CEP295: variants seen among roughly 807,000 people sequenced by gnomAD.
CEP295 encodes centrosomal protein of 295 kDa.
A neutral mutation model predicts 291.6 loss-of-function variants in CEP295; 190 were observed. The observed-to-expected ratio is 0.65, with a 90% CI of 0.58 to 0.73. The LOEUF (loss-of-function observed/expected upper bound fraction) is 0.73, where lower values mean the gene tolerates loss of function less well. Among genes scored for constraint, CEP295 ranks in the 30% least tolerant of loss-of-function variants. CEP295 has a pLI of 0.00. For synonymous variants in CEP295, 993 were observed against 1,038.8 expected, an observed-to-expected ratio of 0.96 and a Z score of 0.85; for missense variants, 2,863 against 2,949.4, an observed-to-expected ratio of 0.97 and a Z score of 0.68.
chr11:93,663,184 C>A (rs1339706839), intron 1 of CEP295, among the ~76,000 whole-genome samples: 1 of 152,238 alleles, frequency 6.6e-6, no homozygotes, highest in Non-Finnish European at 1.5e-5. Flanking sequence ...CCATGGGCTG[C>A]TCCTAGCCAC....
intron 23 of CEP295, chr11:93,726,723 A>C (rs1443174192): frequency 6.1e-6 from 2 of 330,210 alleles, no homozygotes; most frequent in Non-Finnish European, 1.1e-5. Context: ...CTTATAGAGG[A>C]AAACATCCTC....
At chr11:93,724,839 A>G (rs904865012) in intron 22 of CEP295, among the ~76,000 whole-genome samples, 7 of 152,132 alleles carry the variant, frequency 4.6e-5, no homozygotes, top group South Asian at 2.1e-4. Flanking sequence ...AATAAATCCT[A>G]TTGTCCAGAC....
rs138472629 is a variant in CEP295, at chr11:93,711,481, GTTTTGT to G, written c.5749+4618_5749+4623del. Among the ~76,000 whole-genome samples the G allele has an allele frequency of 9.0e-3, 1,354 of 149,646 alleles. 19 individuals carry two copies. Among genetic ancestry groups the G allele is most frequent in the African/African-American group, 0.025 (1,042 of 40,898 alleles). On this transcript the variant is annotated intron_variant, in intron 18 of 29. Coordinates refer to ENST00000325212, the MANE Select transcript of CEP295 (RefSeq NM_033395.2). Reference sequence around the variant, plus strand: ...AGAGAAGACAAGTGTTATTATTTCAGTTTTGTTTTTGTTTTTGTTTTTGTTTTTGTT... The same window carrying G: ...AGAGAAGACAAGTGTTATTATTTCAGTTTTGTTTTTGTTTTTGTTTTTGTT...
At position 93,719,258 on chromosome 11, in the gene CEP295, T is replaced by C. The variant is rs550563317; in HGVS notation, c.5750-2054T>C. Among the ~76,000 whole-genome samples, 18 of 151,562 alleles carry C rather than the reference T, an allele frequency of 1.2e-4. No individual in the cohort carries two copies. In the South Asian group the frequency reaches 2.3e-3, roughly 19 times the overall value. On this transcript the variant is annotated intron_variant, in intron 18 of 29. Transcript: ENST00000325212. ...TTTTTTTTTCCGGGTTTTTTTTTTT[T>C]TTCCTGTTTTTTTTTGTTTTGTTTC...
rs1952053911 is a variant in CEP295 at position 93,699,998 on chromosome 11, A to T, written c.5086A>T (p.Ser1696Cys). 6.4e-7 allele frequency: 1 copy of T among 1,551,744 alleles called. No homozygotes were observed. Reference sequence around the variant, plus strand: ...CCCAGGGTTTCAAGATAGACTTTTGAGTTTTTCACAGTCTGTCTTAACTCA... The same window carrying T: ...CCCAGGGTTTCAAGATAGACTTTTGTGTTTTTCACAGTCTGTCTTAACTCA... Reference protein sequence around the residue: ...VIPGFQDRLLSFSQSVLTQQD... With the variant: ...VIPGFQDRLLCFSQSVLTQQD... Residue 1696 changes from serine (S) to cysteine (C), a missense_variant, in exon 15 of 30, where the codon AGT becomes TGT. This residue lies in a region of CEP295 where 2,295 missense variants were observed against 2,335.7 expected (regional missense o/e 0.98). Transcript: ENST00000325212.
In CEP295 at chr11:93,699,039, T is replaced by TA; in HGVS notation, c.4128dup (p.Leu1377ThrfsTer6). The TA allele has an allele frequency of 6.5e-7, 1 of 1,546,324 alleles. No homozygotes were observed. The highest frequency in any genetic ancestry group is 1.2e-5 in the South Asian group (1 of 84,052). On this transcript the variant is annotated frameshift_variant, in exon 15 of 30. Coordinates refer to ENST00000325212, the MANE Select transcript of CEP295 (RefSeq NM_033395.2). LOFTEE classifies it high-confidence loss of function. Reference sequence around the variant, plus strand: ...GCTAGACAAGAAGCTCGGGAAGAATTACTTTTACATCAGAGTGAATGGGAG... The same window carrying TA: ...GCTAGACAAGAAGCTCGGGAAGAATTAACTTTTACATCAGAGTGAATGGGAG...
intron 13 of CEP295, 104 bp downstream of exon 13, chr11:93,695,738 C>A: frequency 7.5e-7 from 1 of 1,338,740 alleles, no homozygotes; most frequent in Non-Finnish European, 9.8e-7. Context: ...TGGCTGGGCG[C>A]GGTGGCTCAT....
rs1198217508 is a variant in CEP295 at position 93,696,330 on chromosome 11, C to G, written c.1682C>G (p.Ala561Gly). 1 of 1,546,394 alleles carries G rather than the reference C, an allele frequency of 6.5e-7. No homozygotes were observed. Among genetic ancestry groups the G allele is most frequent in the Non-Finnish European group, 8.7e-7 (1 of 1,143,290 alleles). Reference protein sequence around the residue: ...KKTQPTGVGIAPASCPVISDE... With the variant: ...KKTQPTGVGIGPASCPVISDE... Reference sequence around the variant, plus strand: ...TTTGTCTTTTATTAGGTTGGCATTGCTCCAGCATCATGCCCTGTAATTTCT... The same window carrying G: ...TTTGTCTTTTATTAGGTTGGCATTGGTCCAGCATCATGCCCTGTAATTTCT... The change falls in exon 14 of 30, where the codon GCT becomes GGT. Residue 561 changes from alanine (A) to glycine (G), a missense_variant. Physicochemically the swap from Ala to Gly is moderately conservative, Grantham distance 60. Around this residue, in one of 3 missense-constraint regions of CEP295, gnomAD observed 2,295 missense variants for 2,335.7 expected, o/e 0.98. Transcript: ENST00000325212.
Position 93,723,107 on chromosome 11 carries a change from ATAT to A in CEP295, c.6018_6020del (p.Ile2007del), listed in dbSNP as rs1484753767. 25 of 1,551,550 alleles carry A rather than the reference ATAT, an allele frequency of 1.6e-5. No individual in the cohort carries two copies. The highest frequency in any genetic ancestry group is 2.2e-5 in the Non-Finnish European group (25 of 1,146,718). ...ACCACCAGTAAAGAAGAGGAAACAA[ATAT>A]TATAAGTTCCATAGTTCCTTCAACA... On this transcript the variant is annotated inframe_deletion, in exon 21 of 30. Transcript: ENST00000325212.
intron 6 of CEP295, among the ~76,000 whole-genome samples, chr11:93,676,556 A>G (rs1387755109): frequency 6.6e-6 from 1 of 152,052 alleles, no homozygotes; most frequent in Non-Finnish European, 1.5e-5. Flanking sequence ...GTTAAGAACT[A>G]AAATGAATAT....
chr11:93,718,474 C>T (rs1953436098), intron 18 of CEP295, among the ~76,000 whole-genome samples: 1 of 152,176 alleles, frequency 6.6e-6, no homozygotes, highest in African/African-American at 2.4e-5. Flanking sequence ...ATTTCTCTTC[C>T]AGCTTTCAGG....
chr11:93,687,211 G>A lies in CEP295; in HGVS notation c.1115-433G>A, dbSNP rs920653610. 2.6e-5 allele frequency among the ~76,000 whole-genome samples: 4 copies of A among 152,100 alleles called. No homozygotes were observed. In the East Asian group the frequency reaches 7.7e-4, roughly 29 times the overall value. The stretch of plus-strand genomic sequence containing the variant: ...TTTTATGGCTATGATGTTTTCCTCT[G>A]TAGCTCACTAAGAAATACAGAGCCA... On this transcript the variant is annotated intron_variant, in intron 9 of 29. Transcript: ENST00000325212.
At chr11:93,680,612 T>C (rs1233773623) in intron 7 of CEP295, among the ~76,000 whole-genome samples, 1 of 152,130 alleles carries the variant, frequency 6.6e-6, no homozygotes, top group East Asian at 1.9e-4. Flanking sequence ...GATTGCACTA[T>C]TGCACTCCAC....
intron 18 of CEP295, among the ~76,000 whole-genome samples, chr11:93,710,322 G>GT (rs768282444): frequency 3.6e-4 from 55 of 152,232 alleles, no homozygotes; most frequent in Non-Finnish European, 6.6e-4. Flanking sequence ...GTTTTTTAAG[G>GT]TTTTTATCAT....
At chr11:93,682,040 TAGAA>T (rs1951000378) in intron 7 of CEP295, among the ~76,000 whole-genome samples, 1 of 152,068 alleles carries the variant, frequency 6.6e-6, no homozygotes, top group Non-Finnish European at 1.5e-5. Flanking sequence ...TGCAGTGAGC[TAGAA>T]TAGTACACTT....
rs977711805 is a variant in CEP295, at chr11:93,727,399, G to A, written c.6923G>A (p.Arg2308Lys). The change falls in exon 24 of 30, where the codon AGG (arginine) becomes AAG (lysine). Residue 2308 changes from arginine to lysine, a missense_variant. Physicochemically the swap from Arg to Lys is conservative, Grantham distance 26. Around this residue, in one of 3 missense-constraint regions of CEP295, gnomAD observed 2,295 missense variants for 2,335.7 expected, o/e 0.98. Coordinates refer to ENST00000325212, the MANE Select transcript of CEP295 (RefSeq NM_033395.2). ...LIEDNKNETCRVLDINPQVEE... is the reference protein window; with the variant it reads ...LIEDNKNETCKVLDINPQVEE... The stretch of plus-strand genomic sequence containing the variant: ...GAAGATAATAAAAATGAAACCTGTA[G>A]GGTTTTAGACATAAATCCACAGGTA... The A allele has an allele frequency of 9.2e-5, 142 of 1,551,420 alleles. No homozygotes were observed. Among genetic ancestry groups the A allele is most frequent in the Non-Finnish European group, 1.2e-4 (135 of 1,146,872 alleles).
chr11:93,683,544 T>A lies in CEP295; in HGVS notation c.766-15T>A. 6.7e-7 allele frequency: 1 copy of A among 1,487,458 alleles called. No homozygotes were observed. Among genetic ancestry groups the A allele is most frequent in the Non-Finnish European group, 8.9e-7 (1 of 1,123,406 alleles). The allele number at this position is 1,487,458 out of a possible 1,614,324, so 92.1% of individuals were successfully genotyped here. A position where few individuals can be genotyped will look rare whatever the true frequency, so the allele number is the denominator to read the frequency against. ...TTTGTGACTCAGTTTTTGTTAATTC[T>A]CTTTATTCTTGAAGAATCAGGAGAA... On this transcript the variant is annotated splice_polypyrimidine_tract_variant and intron_variant, in intron 7 of 29. Coordinates refer to ENST00000325212, the MANE Select transcript of CEP295 (RefSeq NM_033395.2).
In CEP295 at chr11:93,667,641, TAAGAG is replaced by T; in HGVS notation, c.148_152del (p.Glu50HisfsTer53). 1.3e-6 allele frequency: 2 copies of T among 1,551,162 alleles called. No homozygotes were observed. The highest frequency in any genetic ancestry group is 1.7e-6 in the Non-Finnish European group (2 of 1,146,652). On this transcript the variant is annotated frameshift_variant, in exon 3 of 30. Transcript: ENST00000325212. LOFTEE classifies it high-confidence loss of function. ...CAAGAAAGAGATATCGCCTTACAGA[TAAGAG>T]AAGACATAAAACAGAGGAGAAATCA...
intron 18 of CEP295, 63 bp downstream of exon 18, chr11:93,706,960 A>G (rs1300033023): frequency 8.3e-6 from 11 of 1,330,164 alleles, no homozygotes; most frequent in Non-Finnish European, 1.1e-5. Flanking sequence ...GATATTTATT[A>G]TTTTGTTATT....
Sources: gnomAD v4.1 joint callset for allele counts (sites outside exome capture counted in the v4.1 genomes callset) on GRCh38, gnomAD v4.1.1 for gene constraint, gnomAD v4.1.1 regional missense constraint, MANE v1.5 for transcripts, NCBI Gene and HGNC (gene_info 2026-07-23, HGNC 2026-07-21) for gene names.